The following HS6ST3 variants were observed in gnomAD, a reference collection of about 807,000 sequenced individuals.
HS6ST3 encodes heparan sulfate 6-O-sulfotransferase 3, also known as heparan-sulfate 6-O-sulfotransferase 3.
Under a neutral mutation model 36.7 loss-of-function variants are expected in HS6ST3, and 12 were observed. The observed-to-expected ratio is 0.33, with a 90% CI of 0.21 to 0.53. The LOEUF (loss-of-function observed/expected upper bound fraction) is 0.53, where lower values mean the gene tolerates loss of function less well. HS6ST3 is among the 20% of genes least tolerant of loss of function. HS6ST3 has a pLI of 0.95. For synonymous variants in HS6ST3, 240 were observed against 257.5 expected (o/e 0.93, Z 0.65); for missense variants, 584 against 640.9 (o/e 0.91, Z 0.96).
chr13:96,710,667 C>T (rs1173016307), intron 1 of HS6ST3, among the ~76,000 whole-genome samples: 2 of 152,216 alleles, frequency 1.3e-5, no homozygotes, highest in African/African-American at 4.8e-5. Flanking sequence ...CTGGATACTG[C>T]GGGAGGACCC....
At chr13:96,736,529 A>G (rs895339278) in intron 1 of HS6ST3, among the ~76,000 whole-genome samples, 2 of 152,218 alleles carry the variant, frequency 1.3e-5, no homozygotes, top group Non-Finnish European at 2.9e-5. Flanking sequence ...ATAGTCATCA[A>G]TACACCCAAT....
intron 1 of HS6ST3, among the ~76,000 whole-genome samples, chr13:96,163,379 A>T (rs545763985): frequency 6.6e-6 from 1 of 151,608 alleles, no homozygotes; most frequent in Non-Finnish European, 1.5e-5. Context: ...ACAGGCGCCC[A>T]CCACCATGCC....
At chr13:96,639,547 T>A (rs496920) in intron 1 of HS6ST3, among the ~76,000 whole-genome samples, 134,111 of 149,678 alleles carry the variant, frequency 0.9, 59,293 homozygotes, top group South Asian at 0.92. Flanking sequence ...TTAAAAAAAA[T>A]TTTTCAACTT....
chr13:96,836,087 G>A lies in HS6ST3; in HGVS notation c.*2889G>A, dbSNP rs556576706. ...TCCATGCTGAGTGATGCTCAGGGAA[G>A]TGATGCCCGCAGAAGGCGTCTGGGC... is the stretch of plus-strand genomic sequence containing the variant. On this transcript the variant is annotated 3_prime_UTR_variant, in exon 2 of 2. Coordinates refer to ENST00000376705, the MANE Select transcript of HS6ST3 (RefSeq NM_153456.4). 90 of 152,354 alleles carry A rather than the reference G, an allele frequency of 5.9e-4. No individual in the cohort carries two copies. Among genetic ancestry groups the A allele is most frequent in the African/African-American group, 2.1e-3 (86 of 41,574 alleles). 9.4% of individuals were successfully genotyped at this position (152,354 alleles called of 1,614,324 possible). A position where few individuals can be genotyped will look rare whatever the true frequency, so the allele number is the denominator to read the frequency against.
intron 1 of HS6ST3, among the ~76,000 whole-genome samples, chr13:96,219,927 C>G (rs982521678): frequency 5.3e-5 from 8 of 152,258 alleles, no homozygotes; most frequent in African/African-American, 1.4e-4. Context: ...CGTGATCTGC[C>G]CACCTCGGCC....
intron 1 of HS6ST3, among the ~76,000 whole-genome samples, chr13:96,177,384 A>G (rs1287082997): frequency 1.3e-5 from 2 of 152,192 alleles, no homozygotes; most frequent in Non-Finnish European, 1.5e-5. Context: ...ATGCCCATCA[A>G]TGACAGATTG....
intron 1 of HS6ST3, among the ~76,000 whole-genome samples, chr13:96,096,545 C>T (rs992649479): frequency 1.3e-5 from 2 of 152,184 alleles, no homozygotes; most frequent in Admixed American, 6.5e-5. Flanking sequence ...TATAAATGAA[C>T]TAGTCCTCTA....
At chr13:96,386,780 G>T (rs9300348) in intron 1 of HS6ST3, among the ~76,000 whole-genome samples, 30 of 152,074 alleles carry the variant, frequency 2.0e-4, no homozygotes, top group African/African-American at 6.3e-4. Context: ...GCAGGAGAAT[G>T]GCTTGAACCC....
intron 1 of HS6ST3, among the ~76,000 whole-genome samples, chr13:96,796,753 A>G (rs1271726441): frequency 6.6e-6 from 1 of 152,100 alleles, no homozygotes. Flanking sequence ...GTTATGTAAC[A>G]GTTATTCAGG....
intron 1 of HS6ST3, among the ~76,000 whole-genome samples, chr13:96,721,932 A>G (rs1241571135): frequency 1.3e-5 from 2 of 152,160 alleles, no homozygotes; most frequent in Non-Finnish European, 2.9e-5. Flanking sequence ...GTTTTCAGAG[A>G]TTGGGGATTT....
intron 1 of HS6ST3, among the ~76,000 whole-genome samples, chr13:96,152,400 C>G (rs1472275078): frequency 7.1e-6 from 1 of 141,372 alleles, no homozygotes; most frequent in Non-Finnish European, 1.5e-5. Context: ...TGCAGTGGAG[C>G]GATCTCAGCT....
intron 1 of HS6ST3, among the ~76,000 whole-genome samples, chr13:96,530,328 G>T (rs1251658145): frequency 6.6e-6 from 1 of 152,136 alleles, no homozygotes; most frequent in Non-Finnish European, 1.5e-5. Context: ...AGTGAATGCA[G>T]TCACTCAGCT....
chr13:96,741,309 C>A (rs1455114093), intron 1 of HS6ST3, among the ~76,000 whole-genome samples: 2 of 152,256 alleles, frequency 1.3e-5, no homozygotes, highest in Middle Eastern at 3.4e-3. Flanking sequence ...GAGACAATTT[C>A]AAAAGAATCA....
chr13:96,795,166 T>A (rs185426343), intron 1 of HS6ST3, among the ~76,000 whole-genome samples: 89 of 152,144 alleles, frequency 5.8e-4, no homozygotes, highest in Middle Eastern at 3.4e-3. Context: ...CTCTTTTTTT[T>A]AAATCTTCTT....
At chr13:96,147,105 C>T (rs1293472592) in intron 1 of HS6ST3, among the ~76,000 whole-genome samples, 1 of 152,210 alleles carries the variant, frequency 6.6e-6, no homozygotes, top group Non-Finnish European at 1.5e-5. Flanking sequence ...TGTACTTCCA[C>T]ACATTTTAAT....
chr13:96,420,811 G>T (rs534448572), intron 1 of HS6ST3, among the ~76,000 whole-genome samples: 7 of 152,198 alleles, frequency 4.6e-5, no homozygotes, highest in African/African-American at 1.7e-4. Flanking sequence ...GAATAGTATA[G>T]TTATTTTTAC....
intron 1 of HS6ST3, among the ~76,000 whole-genome samples, chr13:96,681,298 T>A (rs940702648): frequency 2.6e-5 from 4 of 152,190 alleles, no homozygotes; most frequent in Admixed American, 2.0e-4. Context: ...GGGAAATGGA[T>A]GTAGACTGTT....
chr13:96,546,364 C>T (rs796223396), intron 1 of HS6ST3, among the ~76,000 whole-genome samples: 4 of 151,992 alleles, frequency 2.6e-5, no homozygotes, highest in South Asian at 2.1e-4. Context: ...ATTTAAGCTC[C>T]GTATTACAAG....
At chr13:96,520,655 A>T (rs2056089718) in intron 1 of HS6ST3, among the ~76,000 whole-genome samples, 1 of 152,032 alleles carries the variant, frequency 6.6e-6, no homozygotes. Context: ...TTTCTCTGTT[A>T]TTGGTGTATA....
Sources: gnomAD v4.1 joint callset for allele counts (sites outside exome capture counted in the v4.1 genomes callset) on GRCh38, gnomAD v4.1.1 for gene constraint, MANE v1.5 for transcripts, NCBI Gene and HGNC (gene_info 2026-07-23, HGNC 2026-07-21) for gene names.